GALNT13: variants seen among roughly 807,000 people sequenced by gnomAD.
GALNT13 encodes UDP-GalNAc:polypeptide N-acetylgalactosaminyltransferase 13.
In GALNT13, 28 loss-of-function variants were observed where a neutral mutation model predicts 64.2. That is an observed-to-expected ratio of 0.44 (90% CI 0.32 to 0.60). The LOEUF is 0.60. Among genes scored for constraint, GALNT13 ranks in the 20% least tolerant of loss-of-function variants. GALNT13 has a pLI of 0.05. For synonymous variants in GALNT13, 214 were observed against 224.6 expected (o/e 0.95, Z 0.42); for missense variants, 577 against 669.8 (o/e 0.86, Z 1.53).
In GALNT13 at chr2:154,183,018, G is replaced by A. The variant is rs560076271; in HGVS notation, c.311+42513G>A. Among the ~76,000 whole-genome samples the A allele has an allele frequency of 5.3e-5, 8 of 152,048 alleles. No homozygotes were observed. In the South Asian group the frequency reaches 1.7e-3, roughly 32 times the overall value. On this transcript the variant is annotated intron_variant, in intron 4 of 12. Transcript: ENST00000392825. ...TCCTGTAGTATCATTGTTTTGGTTT[G>A]GTATCAGAATAATGCTGGTCTTGTG...
chr2:153,404,996 C>T, the GALNT13 span, among the ~76,000 whole-genome samples: 1 of 152,102 alleles, frequency 6.6e-6, no homozygotes, highest in Admixed American at 6.5e-5. Flanking sequence ...TGCAGATATC[C>T]AATTGAATTT....
chr2:153,520,906 T>G, the GALNT13 span, among the ~76,000 whole-genome samples: 14 of 152,212 alleles, frequency 9.2e-5, no homozygotes, highest in Non-Finnish European at 2.9e-5. Context: ...TTGATGAATA[T>G]GAGCTCATGG....
rs1416479761 is a variant in GALNT13 at position 153,876,383 on chromosome 2, C to T, written c.-177+4080C>T. On this transcript the variant is annotated intron_variant, in intron 1 of 12. Transcript: ENST00000392825. ...AAGGCACATTGTTGAAGGACTTCTGCCATTCAAATATATGCATACCTGTGT... is the reference window on the plus strand; with the variant it reads ...AAGGCACATTGTTGAAGGACTTCTGTCATTCAAATATATGCATACCTGTGT... Among the ~76,000 whole-genome samples, 5 of 152,084 alleles carry T rather than the reference C, an allele frequency of 3.3e-5. No individual in the cohort carries two copies. In the East Asian group the frequency reaches 9.6e-4, roughly 29 times the overall value.
At chr2:153,424,778 C>T in the GALNT13 span, among the ~76,000 whole-genome samples, 4 of 151,732 alleles carry the variant, frequency 2.6e-5, no homozygotes, top group Admixed American at 2.6e-4. Flanking sequence ...CATATGTGCA[C>T]AAGAAAACAT....
chr2:153,374,347 C>T, the GALNT13 span, among the ~76,000 whole-genome samples: 4 of 152,210 alleles, frequency 2.6e-5, no homozygotes, highest in East Asian at 7.7e-4. Flanking sequence ...TAATGTTGAG[C>T]ATCTTTTCAT....
intron 4 of GALNT13, among the ~76,000 whole-genome samples, chr2:154,238,590 G>C (rs1254565317): frequency 6.6e-6 from 1 of 151,788 alleles, no homozygotes; most frequent in Admixed American, 6.6e-5. Context: ...CATAACTCTT[G>C]CTTATATAAA....
chr2:153,161,460 A>G, the GALNT13 span, among the ~76,000 whole-genome samples: 2 of 152,218 alleles, frequency 1.3e-5, no homozygotes, highest in African/African-American at 2.4e-5. Context: ...AAATTTTATA[A>G]TATTTAAAAT....
At chr2:153,299,588 CT>C in the GALNT13 span, among the ~76,000 whole-genome samples, 1 of 152,288 alleles carries the variant, frequency 6.6e-6, no homozygotes, top group Middle Eastern at 3.4e-3. Context: ...CTTAGCCAGT[CT>C]CTCTCTCTTC....
the GALNT13 span, among the ~76,000 whole-genome samples, chr2:153,407,612 C>T: frequency 1.3e-5 from 2 of 152,202 alleles, no homozygotes; most frequent in African/African-American, 4.8e-5. Context: ...CTGCAGCTCT[C>T]ACCCGAGCTG....
the GALNT13 span, among the ~76,000 whole-genome samples, chr2:153,186,919 G>GT: frequency 6.6e-5 from 10 of 152,108 alleles, no homozygotes; most frequent in Non-Finnish European, 1.3e-4. Flanking sequence ...ATATTTAGTA[G>GT]TTTTTTCAGG....
the GALNT13 span, among the ~76,000 whole-genome samples, chr2:153,378,192 T>A: frequency 2.6e-5 from 4 of 152,146 alleles, no homozygotes; most frequent in Non-Finnish European, 5.9e-5. Flanking sequence ...TTTGCCACTT[T>A]ATTCATAATG....
the GALNT13 span, among the ~76,000 whole-genome samples, chr2:153,677,091 C>G: frequency 6.6e-6 from 1 of 151,982 alleles, no homozygotes; most frequent in Admixed American, 6.6e-5. Context: ...CAAACTATCT[C>G]TCTTCAAAGA....
At chr2:153,651,300 G>A in the GALNT13 span, among the ~76,000 whole-genome samples, 1 of 152,166 alleles carries the variant, frequency 6.6e-6, no homozygotes, top group Non-Finnish European at 1.5e-5. Flanking sequence ...ATTCCAGGAT[G>A]AGAAAATAAT....
chr2:153,533,869 T>A, the GALNT13 span, among the ~76,000 whole-genome samples: 1 of 151,700 alleles, frequency 6.6e-6, no homozygotes, highest in Non-Finnish European at 1.5e-5. Context: ...TATTTCTTTT[T>A]GTTTCTTAGA....
chr2:153,573,126 G>A, the GALNT13 span, among the ~76,000 whole-genome samples: 2 of 152,024 alleles, frequency 1.3e-5, no homozygotes, highest in East Asian at 1.9e-4. Context: ...GTGCTCCAGT[G>A]TTGGGTGCAT....
At chr2:154,268,192 C>T (rs1691126808) in intron 8 of GALNT13, among the ~76,000 whole-genome samples, 1 of 152,154 alleles carries the variant, frequency 6.6e-6, no homozygotes, top group African/African-American at 2.4e-5. Context: ...TCCAAATGTC[C>T]ATCAGCAGGT....
At chr2:153,196,382 G>A in the GALNT13 span, among the ~76,000 whole-genome samples, 3 of 152,010 alleles carry the variant, frequency 2.0e-5, no homozygotes, top group Non-Finnish European at 4.4e-5. Flanking sequence ...TGTTATGTTA[G>A]CACTGCCCTG....
intron 9 of GALNT13, among the ~76,000 whole-genome samples, chr2:154,303,569 G>A (rs1003682043): frequency 5.3e-5 from 8 of 151,742 alleles, no homozygotes. Flanking sequence ...TCATTAAAAA[G>A]GAAAACCTTA....
chr2:153,967,074 A>T (rs918830610), intron 3 of GALNT13, among the ~76,000 whole-genome samples: 1 of 152,078 alleles, frequency 6.6e-6, no homozygotes, highest in African/African-American at 2.4e-5. Context: ...TGCTTGATTT[A>T]AAAAAATTAT....
Sources: allele counts gnomAD v4.1 joint callset (sites outside exome capture counted in the v4.1 genomes callset), GRCh38; gene constraint gnomAD v4.1.1; transcripts MANE v1.5; gene names NCBI Gene and HGNC (gene_info 2026-07-23, HGNC 2026-07-21).